BPIFB1: variants seen among roughly 807,000 people sequenced by gnomAD.
BPIFB1 encodes the protein BPI fold-containing family B member 1.
A neutral mutation model predicts 55.1 loss-of-function variants in BPIFB1; 34 were observed. The observed-to-expected ratio is 0.62, with a 90% CI of 0.47 to 0.82. The LOEUF is 0.82. BPIFB1 is among the 40% of genes least tolerant of loss of function. The probability of loss-of-function intolerance (pLI) is 0.00; values close to 1 mark genes in which losing one functional copy is unlikely to be tolerated. For missense variants in BPIFB1, 532 were observed against 593.1 expected (o/e 0.90, Z 1.07); for synonymous variants, 236 against 245.3 (o/e 0.96, Z 0.35).
chr20:33,292,215 T>C (rs1439004423), intron 6 of BPIFB1, among the ~76,000 whole-genome samples: 1 of 152,192 alleles, frequency 6.6e-6, no homozygotes, highest in African/African-American at 2.4e-5. Flanking sequence ...CCGTGAACAG[T>C]GACGTGCTGA....
chr20:33,296,423 C>G (rs1205961183), intron 6 of BPIFB1, among the ~76,000 whole-genome samples: 1 of 152,154 alleles, frequency 6.6e-6, no homozygotes, highest in Non-Finnish European at 1.5e-5. Context: ...AAGGGGTGGT[C>G]AACAAGACAA....
chr20:33,306,544 G>C (rs1981031472), intron 14 of BPIFB1: 1 of 307,766 alleles, frequency 3.2e-6, no homozygotes, highest in Admixed American at 4.5e-5. Flanking sequence ...GTTGAATGAG[G>C]GGTGGGAAGG....
At chr20:33,285,960 G>T (rs146312989) in intron 1 of BPIFB1, 73 bp from the exon 2 acceptor site, 1 of 916,864 alleles carries the variant, frequency 1.1e-6, no homozygotes, top group African/African-American at 1.6e-5. Context: ...CCTGGACACC[G>T]TGCCCCAGGT....
intron 6 of BPIFB1, among the ~76,000 whole-genome samples, chr20:33,292,823 C>A (rs980909534): frequency 6.6e-6 from 1 of 152,232 alleles, no homozygotes; most frequent in African/African-American, 2.4e-5. Context: ...CTGTAAATTC[C>A]AAGATGTGTT....
In BPIFB1 at chr20:33,295,646, A is replaced by AAGAAAGAAAGACAGAG. The variant is rs1415372376; in HGVS notation, c.598-1868_598-1867insCAGAGAGAAAGAAAGA. 1.8e-3 allele frequency among the ~76,000 whole-genome samples: 243 copies of AAGAAAGAAAGACAGAG among 132,810 alleles called. 4 individuals are homozygous for AAGAAAGAAAGACAGAG. Among genetic ancestry groups the AAGAAAGAAAGACAGAG allele is most frequent in the African/African-American group, 9.2e-3 (225 of 24,542 alleles). 87.1% of individuals were successfully genotyped at this position (132,810 alleles called of 152,430 possible). ...TCGAAAGAAGAAAGAAAGAGAGAAG[A>AAGAAAGAAAGACAGAG]AGAAAGAAAGAAAGAGAGAAAGAAA... On this transcript the variant is annotated intron_variant, in intron 6 of 15. Coordinates refer to ENST00000253354, the MANE Select transcript of BPIFB1 (RefSeq NM_033197.3).
chr20:33,304,983 A>G, intron 13 of BPIFB1, 92 bp downstream of exon 13: 1 of 1,451,418 alleles, frequency 6.9e-7, no homozygotes, highest in Non-Finnish European at 9.7e-7. Context: ...TGCTTCAAAC[A>G]AGGTCCCCAC....
chr20:33,304,720 A>G, intron 12 of BPIFB1, 126 bp from the exon 13 acceptor site: 1 of 1,163,882 alleles, frequency 8.6e-7, no homozygotes, highest in Non-Finnish European at 1.3e-6. Flanking sequence ...CAAGGGCTTC[A>G]TGTGGTTCAC....
chr20:33,285,223 G>A (rs1324554163), intron 1 of BPIFB1, among the ~76,000 whole-genome samples: 3 of 152,088 alleles, frequency 2.0e-5, no homozygotes, highest in African/African-American at 4.8e-5. Flanking sequence ...GCAAAGGCAC[G>A]GACACAGGAG....
At chr20:33,284,730 G>T (rs1980211102) in intron 1 of BPIFB1, among the ~76,000 whole-genome samples, 1 of 152,172 alleles carries the variant, frequency 6.6e-6, no homozygotes, top group Non-Finnish European at 1.5e-5. Context: ...GGGGCTGGCA[G>T]ACAGAGCCAG....
intron 10 of BPIFB1, chr20:33,302,641 G>A: frequency 1.6e-6 from 1 of 636,790 alleles, no homozygotes; most frequent in Non-Finnish European, 2.8e-6. Context: ...CAGGTTCTAG[G>A]GGCCATGAGA....
At chr20:33,296,034 T>G (rs1418220969) in intron 6 of BPIFB1, among the ~76,000 whole-genome samples, 2 of 152,150 alleles carry the variant, frequency 1.3e-5, no homozygotes, top group Admixed American at 1.3e-4. Flanking sequence ...TGTAAATCCA[T>G]GGGTCTCAAC....
At chr20:33,284,703 G>A (rs1424011678) in intron 1 of BPIFB1, among the ~76,000 whole-genome samples, 1 of 152,122 alleles carries the variant, frequency 6.6e-6, no homozygotes, top group Non-Finnish European at 1.5e-5. Context: ...AGTCCACAGG[G>A]GCAGGAGCTT....
At chr20:33,308,138 A>G (rs1981096575) in intron 15 of BPIFB1, among the ~76,000 whole-genome samples, 1 of 152,036 alleles carries the variant, frequency 6.6e-6, no homozygotes, top group African/African-American at 2.4e-5. Flanking sequence ...GAGGTGCTAC[A>G]CACTTTTAAA....
chr20:33,289,153 G>T lies in BPIFB1; in HGVS notation c.257+271G>T, dbSNP rs527285595. Among the ~76,000 whole-genome samples the T allele has an allele frequency of 3.3e-5, 5 of 152,272 alleles. No homozygotes were observed. The East Asian group carries it at 9.7e-4, about 29-fold the overall frequency. ...CCCAGCACTTTGGGAGGCCAAGGTG[G>T]GTGGATCACCTGAGGTTAGGAGTTC... On this transcript the variant is annotated intron_variant, in intron 3 of 15. Transcript: ENST00000253354.
intron 6 of BPIFB1, among the ~76,000 whole-genome samples, chr20:33,294,901 C>T (rs958819366): frequency 6.6e-6 from 1 of 152,088 alleles, no homozygotes; most frequent in Admixed American, 6.6e-5. Flanking sequence ...AAGAGGTGAG[C>T]GTCTGGTAGG....
chr20:33,303,751 C>G (rs1467707743), intron 11 of BPIFB1, among the ~76,000 whole-genome samples: 1 of 152,144 alleles, frequency 6.6e-6, no homozygotes, highest in Non-Finnish European at 1.5e-5. Context: ...CACAGCAAGC[C>G]TAGACTGTCA....
intron 11 of BPIFB1, 98 bp from the exon 12 acceptor site, chr20:33,303,860 G>A: frequency 8.1e-7 from 1 of 1,231,814 alleles, no homozygotes. Flanking sequence ...CCCAGAGCCA[G>A]GAACTGAGAT....
At chr20:33,293,323 G>C (rs1170747345) in intron 6 of BPIFB1, among the ~76,000 whole-genome samples, 1 of 152,146 alleles carries the variant, frequency 6.6e-6, no homozygotes, top group African/African-American at 2.4e-5. Context: ...ATCTTTTGCA[G>C]ATTGCCTTCC....
intron 7 of BPIFB1, chr20:33,299,083 C>G (rs746109602): frequency 8.8e-6 from 4 of 454,222 alleles, no homozygotes; most frequent in African/African-American, 8.0e-5. Context: ...CATGTGCTGC[C>G]CTGGCGGGCA....
Sources: gnomAD v4.1 joint callset for allele counts (sites outside exome capture counted in the v4.1 genomes callset) on GRCh38, gnomAD v4.1.1 for gene constraint, MANE v1.5 for transcripts, NCBI Gene and HGNC (gene_info 2026-07-23, HGNC 2026-07-21) for gene names.